The following KIAA1217 variants were observed in gnomAD, a reference collection of about 807,000 sequenced individuals.
The protein encoded by KIAA1217 is KIAA1217.
In KIAA1217, 88 loss-of-function variants were observed where a neutral mutation model predicts 163.9. The ratio of observed to expected loss-of-function variants is 0.54; its 90% CI spans 0.45 to 0.64. KIAA1217 has a LOEUF of 0.64. KIAA1217 is among the 30% of genes least tolerant of loss of function. The pLI, the probability that KIAA1217 is intolerant of heterozygous loss-of-function variation, is 0.00. For synonymous variants in KIAA1217, 903 were observed against 923.1 expected, an observed-to-expected ratio of 0.98 and a Z score of 0.39; for missense variants, 2,372 against 2,475.0, an observed-to-expected ratio of 0.96 and a Z score of 0.88.
intron 2 of KIAA1217, among the ~76,000 whole-genome samples, chr10:24,187,082 C>T (rs1008153036): frequency 6.6e-6 from 1 of 152,116 alleles, no homozygotes; most frequent in Admixed American, 6.5e-5. Context: ...GCCTTTGAGA[C>T]TCTCCGTACA....
At chr10:23,853,885 T>A (rs1435464454) in intron 1 of KIAA1217, among the ~76,000 whole-genome samples, 2 of 152,162 alleles carry the variant, frequency 1.3e-5, no homozygotes, top group East Asian at 3.9e-4. Context: ...TTTTATTGCA[T>A]CTATTTGATT....
chr10:23,834,429 G>A (rs1420649051), intron 1 of KIAA1217, among the ~76,000 whole-genome samples: 6 of 152,062 alleles, frequency 3.9e-5, no homozygotes, highest in Non-Finnish European at 7.4e-5. Context: ...GTATATTCTA[G>A]GCATTATTCT....
At chr10:23,840,761 C>T (rs139174182) in intron 1 of KIAA1217, among the ~76,000 whole-genome samples, 21 of 152,244 alleles carry the variant, frequency 1.4e-4, no homozygotes, top group African/African-American at 5.1e-4. Context: ...TAAGTCTTTA[C>T]AGGTCACCTT....
intron 2 of KIAA1217, among the ~76,000 whole-genome samples, chr10:24,270,616 C>G (rs776385333): frequency 1.3e-5 from 2 of 152,232 alleles, no homozygotes; most frequent in South Asian, 2.1e-4. Context: ...TTTCAGCTCA[C>G]TGCAACCTCT....
At chr10:24,093,446 A>G (rs1055783504) in intron 2 of KIAA1217, among the ~76,000 whole-genome samples, 4 of 151,552 alleles carry the variant, frequency 2.6e-5, no homozygotes, top group Non-Finnish European at 4.4e-5. Flanking sequence ...TGCTGGGATT[A>G]CAGGTGTGAG....
chr10:23,911,043 C>G (rs1842407269), intron 1 of KIAA1217, among the ~76,000 whole-genome samples: 1 of 152,136 alleles, frequency 6.6e-6, no homozygotes, highest in Non-Finnish European at 1.5e-5. Flanking sequence ...CTACAATGTG[C>G]CAGATGGCGA....
At chr10:24,225,256 G>A (rs1201887341) in intron 2 of KIAA1217, among the ~76,000 whole-genome samples, 2 of 152,104 alleles carry the variant, frequency 1.3e-5, no homozygotes, top group African/African-American at 4.8e-5. Context: ...CTCCTGAGTA[G>A]CAACTACAGG....
intron 5 of KIAA1217, among the ~76,000 whole-genome samples, chr10:24,472,148 TC>T: frequency 6.6e-6 from 1 of 152,314 alleles, no homozygotes; most frequent in East Asian, 1.9e-4. Flanking sequence ...ATAAAGGTCT[TC>T]ATCCTCGTCA....
Position 24,524,691 on chromosome 10 carries a change from G to A in KIAA1217, c.2825G>A (p.Gly942Glu), listed in dbSNP as rs1409387194. 6.2e-7 allele frequency: 1 copy of A among 1,613,812 alleles called. No homozygotes were observed. The highest frequency in any genetic ancestry group is 1.3e-5 in the African/African-American group (1 of 74,912). The change falls in exon 13 of 21, where the codon GGG becomes GAG. Residue 942 changes from glycine (G) to glutamate (E), a missense_variant. Physicochemically the swap from Gly to Glu is moderately conservative, Grantham distance 98. Coordinates refer to ENST00000376454, the MANE Select transcript of KIAA1217 (RefSeq NM_019590.5). ...APQSPQIPMN[G>E]SAMQSLFIEE... is the part of the protein sequence containing the mutation. The stretch of plus-strand genomic sequence containing the variant: ...CAGTCCCCACAGATACCCATGAATG[G>A]GTCTGCCATGCAGAGCTTGTTCATT...
In KIAA1217 at chr10:24,433,032, G is replaced by T. The variant is rs1173010383; in HGVS notation, c.591G>T (p.Gln197His). Reference protein sequence around the residue: ...LYLQYGDETKQLRMPNEITSA... With the variant: ...LYLQYGDETKHLRMPNEITSA... ...TCCAGTATGGAGATGAAACCAAGCA[G>T]CTCAGGATGCCGAATGAAATCACAA... The change falls in exon 4 of 21, where the codon CAG (glutamine) becomes CAT (histidine). Residue 197 changes from glutamine to histidine, a missense_variant. This residue lies in a region of KIAA1217 where 1,431 missense variants were observed against 1,470.3 expected (regional missense o/e 0.97). Transcript: ENST00000376454. 1.2e-6 allele frequency: 2 copies of T among 1,614,114 alleles called. No individual in the cohort carries two copies. The highest frequency in any genetic ancestry group is 1.1e-5 in the South Asian group (1 of 91,084).
intron 1 of KIAA1217, among the ~76,000 whole-genome samples, chr10:23,750,519 T>G (rs907598649): frequency 6.6e-6 from 1 of 152,176 alleles, no homozygotes; most frequent in Non-Finnish European, 1.5e-5. Context: ...GTGGCTCTCC[T>G]TTGTGTTCTC....
intron 2 of KIAA1217, among the ~76,000 whole-genome samples, chr10:24,282,978 C>T (rs1346610033): frequency 2.0e-5 from 3 of 151,730 alleles, no homozygotes; most frequent in East Asian, 1.9e-4. Context: ...GGATTACAGA[C>T]GTGTTCCATG....
chr10:23,800,196 C>T (rs1836403373), intron 1 of KIAA1217, among the ~76,000 whole-genome samples: 1 of 152,144 alleles, frequency 6.6e-6, no homozygotes, highest in Admixed American at 6.5e-5. Flanking sequence ...GGAAATAAGA[C>T]ACTAATCCAT....
intron 13 of KIAA1217, among the ~76,000 whole-genome samples, chr10:24,526,585 C>T (rs537887514): frequency 2.4e-4 from 36 of 152,230 alleles, no homozygotes; most frequent in South Asian, 6.2e-4. Context: ...AGAGGAGACA[C>T]GAGTCATCTC....
At chr10:23,729,665 T>A (rs1309893927) in intron 1 of KIAA1217, among the ~76,000 whole-genome samples, 1 of 152,118 alleles carries the variant, frequency 6.6e-6, no homozygotes, top group Non-Finnish European at 1.5e-5. Context: ...GTTTTAAGAG[T>A]TTTTATATAT....
At chr10:24,157,134 A>G (rs947767630) in intron 2 of KIAA1217, among the ~76,000 whole-genome samples, 1 of 152,224 alleles carries the variant, frequency 6.6e-6, no homozygotes, top group Non-Finnish European at 1.5e-5. Flanking sequence ...TAGCGATAGC[A>G]TATGAAATTA....
At chr10:24,502,623 C>A (rs568601714) in intron 9 of KIAA1217, among the ~76,000 whole-genome samples, 1 of 152,176 alleles carries the variant, frequency 6.6e-6, no homozygotes, top group African/African-American at 2.4e-5. Flanking sequence ...GTAGGTTGGT[C>A]GTTGAGGATA....
intron 1 of KIAA1217, among the ~76,000 whole-genome samples, chr10:23,861,026 C>A (rs779816844): frequency 2.0e-5 from 3 of 151,940 alleles, no homozygotes; most frequent in Non-Finnish European, 1.5e-5. Flanking sequence ...GAACCTACCA[C>A]CTAAGCCTCC....
chr10:24,539,056 T>C (rs1225717276), intron 17 of KIAA1217, among the ~76,000 whole-genome samples: 1 of 151,470 alleles, frequency 6.6e-6, no homozygotes, highest in Non-Finnish European at 1.5e-5. Flanking sequence ...CTTTTCAGTA[T>C]GTGGAATTTC....
Sources: allele counts gnomAD v4.1 joint callset (sites outside exome capture counted in the v4.1 genomes callset), GRCh38; gene constraint gnomAD v4.1.1; regional missense constraint gnomAD v4.1.1; transcripts MANE v1.5; gene names NCBI Gene and HGNC (gene_info 2026-07-23, HGNC 2026-07-21).